Variants in NCBP3 observed in about 807,000 individuals in gnomAD.
The protein encoded by NCBP3 is nuclear cap binding subunit 3.
A neutral mutation model predicts 75.7 loss-of-function variants in NCBP3; 20 were observed. The observed-to-expected ratio is 0.26, with a 90% CI of 0.19 to 0.38. The LOEUF (loss-of-function observed/expected upper bound fraction) is 0.38. Ranked by LOEUF, NCBP3 falls within the 10% of genes least tolerant of loss-of-function variation. The pLI, the probability that NCBP3 is intolerant of heterozygous loss-of-function variation, is 1.00. For synonymous variants in NCBP3, 293 were observed against 290.5 expected, an observed-to-expected ratio of 1.01 and a Z score of -0.09; for missense variants, 678 against 796.9, an observed-to-expected ratio of 0.85 and a Z score of 1.80.
rs765817847 is a variant in NCBP3 at position 3,825,046 on chromosome 17, T to C, written c.692A>G (p.Asp231Gly). The change falls in exon 7 of 13, where the codon GAT (aspartate) becomes GGT (glycine). Residue 231 changes from aspartate to glycine, a missense_variant. This residue lies in a region of NCBP3 where 98 missense variants were observed against 101.8 expected (regional missense o/e 0.96). Coordinates refer to ENST00000389005, the MANE Select transcript of NCBP3 (RefSeq NM_001114118.3). The part of the protein sequence containing the change: ...EDENSSDVEL[D>G]TLSQVEEESL... The stretch of plus-strand genomic sequence containing the variant: ...CTCCTCTTCTACCTGAGACAACGTA[T>C]CCAACTTAAGAAAGAAGAGTATTTT... 3 of 1,507,014 alleles carry C rather than the reference T, an allele frequency of 2.0e-6. No individual in the cohort carries two copies. The highest frequency in any genetic ancestry group is 2.7e-6 in the Non-Finnish European group (3 of 1,116,548). 93.4% of individuals were successfully genotyped at this position (1,507,014 alleles called of 1,614,324 possible).
chr17:3,820,412 T>G (rs949284088), intron 9 of NCBP3, among the ~76,000 whole-genome samples: 1 of 152,214 alleles, frequency 6.6e-6, no homozygotes, highest in African/African-American at 2.4e-5. Flanking sequence ...ATGTAGAAGA[T>G]TCCATAGATT....
Position 3,809,064 on chromosome 17 carries a change from A to C in NCBP3, c.*3980T>G, listed in dbSNP as rs2053368023. 6.6e-6 allele frequency: 1 copy of C among 152,032 alleles called. No individual in the cohort carries two copies. Among genetic ancestry groups the C allele is most frequent in the African/African-American group, 2.4e-5 (1 of 41,380 alleles). 9.4% of individuals were successfully genotyped at this position (152,032 alleles called of 1,614,324 possible). On this transcript the variant is annotated 3_prime_UTR_variant, in exon 13 of 13. Coordinates refer to ENST00000389005, the MANE Select transcript of NCBP3 (RefSeq NM_001114118.3). Reference sequence around the variant, plus strand: ...TTTGGGAGGTCAAGGCAGGAGGATCACTTGAGGCCAGGAGTGCTAGACGGC... The same window carrying C: ...TTTGGGAGGTCAAGGCAGGAGGATCCCTTGAGGCCAGGAGTGCTAGACGGC...
intron 2 of NCBP3, among the ~76,000 whole-genome samples, chr17:3,841,862 A>C (rs1418399358): frequency 6.6e-6 from 1 of 150,824 alleles, no homozygotes; most frequent in East Asian, 1.9e-4. Flanking sequence ...TATAAAAAGG[A>C]AGGCACGAAA....
At chr17:3,834,832 CAA>C (rs34968348) in intron 3 of NCBP3, among the ~76,000 whole-genome samples, 31 of 146,476 alleles carry the variant, frequency 2.1e-4, no homozygotes, top group Non-Finnish European at 1.7e-4. Flanking sequence ...GTGGATGAAA[CAA>C]AAAAAAAAAA....
At chr17:3,842,955 T>A (rs529434618) in intron 2 of NCBP3, 131 bp downstream of exon 2, 1 of 848,680 alleles carries the variant, frequency 1.2e-6, no homozygotes, top group Admixed American at 2.4e-5. Context: ...ATAACACAAT[T>A]TTTTTTAGAA....
intron 3 of NCBP3, among the ~76,000 whole-genome samples, chr17:3,836,151 G>C (rs2053968276): frequency 6.6e-6 from 1 of 152,202 alleles, no homozygotes. Flanking sequence ...CAAATAACTT[G>C]AACTTGACGC....
chr17:3,842,827 G>A (rs140683666), intron 2 of NCBP3, among the ~76,000 whole-genome samples: 126 of 152,114 alleles, frequency 8.3e-4, no homozygotes, highest in African/African-American at 2.8e-3. Context: ...TGTATCTTTC[G>A]TAGAGACGGG....
In NCBP3 at chr17:3,807,795, G is replaced by C. The variant is rs2053352513; in HGVS notation, c.*5249C>G. The C allele has an allele frequency of 6.6e-6, 1 of 152,140 alleles. No homozygotes were observed. Among genetic ancestry groups the C allele is most frequent in the African/African-American group, 2.4e-5 (1 of 41,410 alleles). The allele number at this position is 152,140 out of a possible 1,614,324, so 9.4% of individuals were successfully genotyped here. On this transcript the variant is annotated 3_prime_UTR_variant, in exon 13 of 13. Transcript: ENST00000389005. The stretch of plus-strand genomic sequence containing the variant: ...TCCCATCTTTACAGAAGACCTGCTA[G>C]ATGCCAGGCATGCTGGCAGGCACAG...
rs2053774259 is a variant in NCBP3 at position 3,825,858 on chromosome 17, G to A, written c.611-15C>T. Reference sequence around the variant, plus strand: ...TTCCTGCTTGTCTAAAATGGAATGTGAAGGACAAGATGAAACAAGATAAAA... The same window carrying A: ...TTCCTGCTTGTCTAAAATGGAATGTAAAGGACAAGATGAAACAAGATAAAA... On this transcript the variant is annotated splice_polypyrimidine_tract_variant and intron_variant, in intron 5 of 12. Transcript: ENST00000389005. 4 of 1,540,680 alleles carry A rather than the reference G, an allele frequency of 2.6e-6. No individual in the cohort carries two copies. In the Admixed American group the frequency reaches 5.9e-5, roughly 23 times the overall value.
chr17:3,804,354 C>G lies in NCBP3; in HGVS notation c.*8690G>C. The stretch of plus-strand genomic sequence containing the variant: ...CTGAGTTCAGGAGTTTGAGACCAGC[C>G]TGGGCAACATGGTGAAACCCTGTCT... On this transcript the variant is annotated 3_prime_UTR_variant, in exon 13 of 13. Transcript: ENST00000389005. 6.6e-6 allele frequency: 1 copy of G among 151,894 alleles called. No individual in the cohort carries two copies. The allele number at this position is 151,894 out of a possible 1,614,324, so 9.4% of individuals were successfully genotyped here.
At chr17:3,833,247 T>A (rs568771754) in intron 3 of NCBP3, among the ~76,000 whole-genome samples, 1 of 152,102 alleles carries the variant, frequency 6.6e-6, no homozygotes, top group African/African-American at 2.4e-5. Context: ...AGTAAGACTT[T>A]GTTTCAAAAG....
chr17:3,809,928 C>A lies in NCBP3; in HGVS notation c.*3116G>T, dbSNP rs1320643152. 1 of 151,838 alleles carries A rather than the reference C, an allele frequency of 6.6e-6. No individual in the cohort carries two copies. Among genetic ancestry groups the A allele is most frequent in the East Asian group, 1.9e-4 (1 of 5,188 alleles). The allele number at this position is 151,838 out of a possible 1,614,324, so 9.4% of individuals were successfully genotyped here. A position where few individuals can be genotyped will look rare whatever the true frequency, so the allele number is the denominator to read the frequency against. On this transcript the variant is annotated 3_prime_UTR_variant, in exon 13 of 13. Coordinates refer to ENST00000389005, the MANE Select transcript of NCBP3 (RefSeq NM_001114118.3). ...ACAAATAGACACATAGTATATGATC[C>A]CATTTATATGAACTATCCAGAACAG...
In NCBP3 at chr17:3,807,441, A is replaced by C. The variant is rs999676703; in HGVS notation, c.*5603T>G. The C allele has an allele frequency of 1.3e-5, 2 of 152,162 alleles. No homozygotes were observed. Among genetic ancestry groups the C allele is most frequent in the Non-Finnish European group, 2.9e-5 (2 of 68,044 alleles). The allele number at this position is 152,162 out of a possible 1,614,324, so 9.4% of individuals were successfully genotyped here. ...TATACAACCATATGCACTTCTGAAT[A>C]ATCTTCCCTTTTTCGAATCTGGGGC... On this transcript the variant is annotated 3_prime_UTR_variant, in exon 13 of 13. Coordinates refer to ENST00000389005, the MANE Select transcript of NCBP3 (RefSeq NM_001114118.3).
chr17:3,821,001 G>C (rs1406431760), intron 9 of NCBP3, among the ~76,000 whole-genome samples: 4 of 151,950 alleles, frequency 2.6e-5, no homozygotes, highest in African/African-American at 9.7e-5. Flanking sequence ...CCTAAGGAAA[G>C]TTTTGTTTTA....
intron 3 of NCBP3, among the ~76,000 whole-genome samples, chr17:3,835,515 A>G (rs890526736): frequency 6.6e-6 from 1 of 152,282 alleles, no homozygotes; most frequent in African/African-American, 2.4e-5. Flanking sequence ...TGCTTCCAGC[A>G]CCCGAAGGGC....
rs938343607 is a variant in NCBP3, at chr17:3,811,922, C to A, written c.*1122G>T. On this transcript the variant is annotated 3_prime_UTR_variant, in exon 13 of 13. Transcript: ENST00000389005. ...GAACTAAAATTTTTATAACTATTAT[C>A]TTTTCTGCCAATTTTGAAGATGTCT... 1 of 152,206 alleles carries A rather than the reference C, an allele frequency of 6.6e-6. No individual in the cohort carries two copies. The highest frequency in any genetic ancestry group is 6.5e-5 in the Admixed American group (1 of 15,278). 9.4% of individuals were successfully genotyped at this position (152,206 alleles called of 1,614,324 possible).
At chr17:3,815,742 A>G (rs1309299200) in intron 11 of NCBP3, among the ~76,000 whole-genome samples, 5 of 152,222 alleles carry the variant, frequency 3.3e-5, no homozygotes, top group Admixed American at 3.3e-4. Flanking sequence ...TAAATAATCT[A>G]GAGATGACTT....
At chr17:3,821,566 G>T (rs1416267156) in intron 8 of NCBP3, among the ~76,000 whole-genome samples, 1 of 152,122 alleles carries the variant, frequency 6.6e-6, no homozygotes, top group African/African-American at 2.4e-5. Context: ...GGGATTACAG[G>T]CGCCCACCAC....
chr17:3,832,474 C>T (rs1567591900), intron 3 of NCBP3, among the ~76,000 whole-genome samples: 1 of 115,918 alleles, frequency 8.6e-6, no homozygotes, highest in South Asian at 3.1e-4. Flanking sequence ...ACTAAAAATA[C>T]AAAACAATTA....
Sources: allele counts gnomAD v4.1 joint callset (sites outside exome capture counted in the v4.1 genomes callset), GRCh38; gene constraint gnomAD v4.1.1; regional missense constraint gnomAD v4.1.1; transcripts MANE v1.5; gene names NCBI Gene and HGNC (gene_info 2026-07-23, HGNC 2026-07-21).